Variants in ODR4 observed in about 807,000 individuals in gnomAD.
ODR4 encodes odr-4 GPCR localization factor homolog, also known as protein odr-4 homolog.
In ODR4, 47 loss-of-function variants were observed where a neutral mutation model predicts 60.2. That is an observed-to-expected ratio of 0.78 (90% CI 0.62 to 1.00). The LOEUF (loss-of-function observed/expected upper bound fraction) is 1.00. Ranked by LOEUF, ODR4 falls within the 50% of genes least tolerant of loss-of-function variation. The pLI is 0.00. For missense variants in ODR4, 488 were observed against 530.8 expected, an observed-to-expected ratio of 0.92 and a Z score of 0.79; for synonymous variants, 178 against 175.5, an observed-to-expected ratio of 1.01 and a Z score of -0.11.
At chr1:186,422,482 A>G (rs1661810389), downstream of ODR4, among the ~76,000 whole-genome samples, 1 of 152,224 alleles carries the variant, frequency 6.6e-6, no homozygotes, top group African/African-American at 2.4e-5. Flanking sequence ...AAACAATTAA[A>G]GAATATTTTT....
intron 11 of ODR4, among the ~76,000 whole-genome samples, chr1:186,399,664 A>G (rs1660845298): frequency 6.6e-6 from 1 of 152,080 alleles, no homozygotes; most frequent in African/African-American, 2.4e-5. Flanking sequence ...TTTTGTTGAT[A>G]TCTATGAGTA....
At chr1:186,417,434 TAGAA>T (rs1661615095) in intron 12 of ODR4, 106 bp from the exon 13 acceptor site, 6 of 682,076 alleles carry the variant, frequency 8.8e-6, no homozygotes, top group Admixed American at 2.9e-5. Context: ...AAAAAACAAG[TAGAA>T]AGAAAATGGT....
At chr1:186,381,455 G>A (rs1354604978) in intron 2 of ODR4, among the ~76,000 whole-genome samples, 2 of 151,996 alleles carry the variant, frequency 1.3e-5, no homozygotes, top group African/African-American at 2.4e-5. Flanking sequence ...AGCCTCCCGA[G>A]TAGCTGGGAC....
Position 186,409,692 on chromosome 1 carries a change from C to T in ODR4, c.1186+3424C>T, listed in dbSNP as rs573888963. On this transcript the variant is annotated intron_variant, in intron 12 of 13. Transcript: ENST00000287859. ...TCCTGAGTAGCTGGGATTACAGGTG[C>T]GTGCCACCAAGCCCAGCTAATTTTT... Among the ~76,000 whole-genome samples, 9 of 151,990 alleles carry T rather than the reference C, an allele frequency of 5.9e-5. No homozygotes were observed. In the South Asian group the frequency reaches 8.3e-4, roughly 14 times the overall value.
At chr1:186,404,136 T>A (rs1409963216) in intron 11 of ODR4, among the ~76,000 whole-genome samples, 1 of 152,226 alleles carries the variant, frequency 6.6e-6, no homozygotes, top group Non-Finnish European at 1.5e-5. Flanking sequence ...GGCTTAATTT[T>A]AAAATTTTTT....
At chr1:186,406,306 A>T in intron 12 of ODR4, 38 bp downstream of exon 12, 2 of 1,453,216 alleles carry the variant, frequency 1.4e-6, no homozygotes, top group Non-Finnish European at 1.8e-6. Context: ...TGGTTAGATT[A>T]CAGCTAAGAT....
At chr1:186,422,652 TCA>T (rs1661813576), downstream of ODR4, among the ~76,000 whole-genome samples, 4 of 152,030 alleles carry the variant, frequency 2.6e-5, no homozygotes, top group Non-Finnish European at 5.9e-5. Context: ...GTTTAGATCT[TCA>T]CAGAGGAGAA....
At chr1:186,418,236 A>ATG (rs1491386098) in intron 13 of ODR4, among the ~76,000 whole-genome samples, 2 of 149,902 alleles carry the variant, frequency 1.3e-5, no homozygotes, top group African/African-American at 2.5e-5. Flanking sequence ...TTTTTTGTAC[A>ATG]TGTGTGTGTG....
rs1469345337 is a variant in ODR4 at position 186,391,694 on chromosome 1, A to G, written c.616-2A>G. 2.5e-6 allele frequency: 4 copies of G among 1,578,936 alleles called. No homozygotes were observed. Among genetic ancestry groups the G allele is most frequent in the Non-Finnish European group, 3.5e-6 (4 of 1,154,728 alleles). On this transcript the variant is annotated splice_acceptor_variant, in intron 7 of 13. Coordinates refer to ENST00000287859, the MANE Select transcript of ODR4 (RefSeq NM_017847.6). LOFTEE classifies it high-confidence loss of function. ...AGATTTCCATGTTGTGTTTCTGTTA[A>G]GAATGGACTTACACGCTGGGCCAAG...
At chr1:186,423,326 A>C (rs767407438), downstream of ODR4, among the ~76,000 whole-genome samples, 1 of 151,260 alleles carries the variant, frequency 6.6e-6, no homozygotes, top group Non-Finnish European at 1.5e-5. Context: ...AGCACTTACT[A>C]ACACTTGTAA....
rs1176737199 is a variant in ODR4, at chr1:186,416,965, ATTG to A, written c.1187-576_1187-574del. On this transcript the variant is annotated intron_variant, in intron 12 of 13. Transcript: ENST00000287859. The stretch of plus-strand genomic sequence containing the variant: ...ACTATATAGTAAACAAATTATTATT[ATTG>A]TTACTTTTTTTTGAGACAGAGTCTC... Among the ~76,000 whole-genome samples, 4 of 150,784 alleles carry A rather than the reference ATTG, an allele frequency of 2.7e-5. No homozygotes were observed. In the East Asian group the frequency reaches 7.9e-4, roughly 30 times the overall value.
In ODR4 at chr1:186,414,391, T is replaced by C. The variant is rs989911021; in HGVS notation, c.1187-3153T>C. Among the ~76,000 whole-genome samples, 6 of 152,178 alleles carry C rather than the reference T, an allele frequency of 3.9e-5. No individual in the cohort carries two copies. In the South Asian group the frequency reaches 1.0e-3, roughly 26 times the overall value. On this transcript the variant is annotated intron_variant, in intron 12 of 13. Transcript: ENST00000287859. Reference sequence around the variant, plus strand: ...TATTATGACAACTAAAACAATTTTGTTTTTTTATATGCAAGTATTCAAGTA... The same window carrying C: ...TATTATGACAACTAAAACAATTTTGCTTTTTTATATGCAAGTATTCAAGTA...
intron 12 of ODR4, among the ~76,000 whole-genome samples, chr1:186,410,874 G>C (rs1285503270): frequency 6.6e-6 from 1 of 152,052 alleles, no homozygotes; most frequent in East Asian, 1.9e-4. Context: ...AGTTAGCCAG[G>C]CGTGGTGAGG....
At chr1:186,384,848 A>C (rs1290759130) in intron 3 of ODR4, among the ~76,000 whole-genome samples, 1 of 152,150 alleles carries the variant, frequency 6.6e-6, no homozygotes, top group African/African-American at 2.4e-5. Flanking sequence ...ACCGAAAGAC[A>C]TAGTGCAAGT....
At chr1:186,412,654 A>G (rs1374885626) in intron 12 of ODR4, among the ~76,000 whole-genome samples, 1 of 152,124 alleles carries the variant, frequency 6.6e-6, no homozygotes, top group East Asian at 1.9e-4. Flanking sequence ...TCACTCATTT[A>G]CTCATTTATT....
At chr1:186,413,424 A>G (rs1229217530) in intron 12 of ODR4, among the ~76,000 whole-genome samples, 1 of 152,172 alleles carries the variant, frequency 6.6e-6, no homozygotes, top group African/African-American at 2.4e-5. Flanking sequence ...TCTTAAAATA[A>G]CATACTTTTA....
chr1:186,427,132 TG>T, the ODR4 span, among the ~76,000 whole-genome samples: 2 of 152,142 alleles, frequency 1.3e-5, no homozygotes, highest in African/African-American at 2.4e-5. Flanking sequence ...TGCTGAAGGT[TG>T]GGGTGGCCAT....
intron 6 of ODR4, among the ~76,000 whole-genome samples, chr1:186,390,081 C>T (rs780779287): frequency 2.0e-5 from 3 of 152,154 alleles, no homozygotes; most frequent in Non-Finnish European, 2.9e-5. Context: ...GCTGAGATTA[C>T]GGGCTTGAGC....
chr1:186,408,933 T>G (rs1661271977), intron 12 of ODR4, among the ~76,000 whole-genome samples: 1 of 152,106 alleles, frequency 6.6e-6, no homozygotes, highest in Admixed American at 6.5e-5. Context: ...TAATTTCATG[T>G]TGTATGTTAA....
Sources: gnomAD v4.1 joint callset for allele counts (sites outside exome capture counted in the v4.1 genomes callset) on GRCh38, gnomAD v4.1.1 for gene constraint, MANE v1.5 for transcripts, NCBI Gene and HGNC (gene_info 2026-07-23, HGNC 2026-07-21) for gene names.